EPCIP: variants seen among roughly 807,000 people sequenced by gnomAD.
The protein encoded by EPCIP is exosomal polycystin-1-interacting protein.
chr21:32,809,182 C>CGTGTGTGTGT, the EPCIP span, among the ~76,000 whole-genome samples: 2,098 of 121,126 alleles, frequency 0.017, 131 homozygotes, highest in Admixed American at 0.051. Flanking sequence ...TCGAGGGGTG[C>CGTGTGTGTGT]GTGTGTGTGT....
chr21:32,805,076 G>A, the EPCIP span, among the ~76,000 whole-genome samples: 1 of 152,210 alleles, frequency 6.6e-6, no homozygotes, highest in Non-Finnish European at 1.5e-5. Flanking sequence ...GATGATCCTA[G>A]ATTATCTGGG....
chr21:32,799,062 C>T, the EPCIP span: 2 of 152,204 alleles, frequency 1.3e-5, no homozygotes, highest in African/African-American at 4.8e-5. Flanking sequence ...GTCGTACACT[C>T]AGCTTGGGAG....
chr21:32,804,275 T>TTTTATATATA, the EPCIP span, among the ~76,000 whole-genome samples: 3 of 140,960 alleles, frequency 2.1e-5, no homozygotes, highest in African/African-American at 8.0e-5. Context: ...ATGCATGTGA[T>TTTTATATATA]TATATATATA....
chr21:32,811,628 A>G, the EPCIP span, among the ~76,000 whole-genome samples: 3 of 152,326 alleles, frequency 2.0e-5, no homozygotes, highest in Admixed American at 2.0e-4. Flanking sequence ...CATGCATTGT[A>G]TTCTATTACT....
At chr21:32,806,162 GC>G in the EPCIP span, among the ~76,000 whole-genome samples, 1 of 152,112 alleles carries the variant, frequency 6.6e-6, no homozygotes, top group Non-Finnish European at 1.5e-5. Flanking sequence ...GGCACAAGTG[GC>G]CCCCTGCCCA....
the EPCIP span, chr21:32,793,579 A>G: frequency 1.5e-6 from 1 of 678,752 alleles, no homozygotes; most frequent in East Asian, 2.5e-5. Context: ...GTGTTCTCGC[A>G]GTTGGGCACA....
At chr21:32,813,260 G>T in the EPCIP span, among the ~76,000 whole-genome samples, 1 of 152,124 alleles carries the variant, frequency 6.6e-6, no homozygotes, top group African/African-American at 2.4e-5. Context: ...GGAGCTATCT[G>T]TTATATTAGC....
the EPCIP span, among the ~76,000 whole-genome samples, chr21:32,807,254 A>G: frequency 2.7e-5 from 4 of 148,254 alleles, no homozygotes; most frequent in Admixed American, 1.3e-4. Context: ...GCACTCCATG[A>G]CTATTTATAT....
chr21:32,794,539 A>G, the EPCIP span: 64 of 952,392 alleles, frequency 6.7e-5, no homozygotes, highest in Admixed American at 1.4e-4. Context: ...TACACAGCTT[A>G]TGGAAAAGGA....
the EPCIP span, chr21:32,797,039 A>G: frequency 4.2e-6 from 2 of 470,688 alleles, no homozygotes; most frequent in Non-Finnish European, 4.4e-6. Context: ...TCCCAGAAGA[A>G]TTTGTGAGCA....
the EPCIP span, among the ~76,000 whole-genome samples, chr21:32,811,260 A>G: frequency 6.6e-6 from 1 of 151,852 alleles, no homozygotes; most frequent in East Asian, 2.0e-4. Context: ...CCTCCCGAGT[A>G]GTTGGCATTA....
the EPCIP span, among the ~76,000 whole-genome samples, chr21:32,808,537 G>A: frequency 3.3e-5 from 5 of 152,096 alleles, no homozygotes; most frequent in African/African-American, 1.2e-4. Context: ...GCTGGTTTTA[G>A]TTACAAATAT....
At chr21:32,802,725 T>A in the EPCIP span, among the ~76,000 whole-genome samples, 1 of 151,964 alleles carries the variant, frequency 6.6e-6, no homozygotes, top group Non-Finnish European at 1.5e-5. Context: ...TGAGCATGAG[T>A]CAGGATACCT....
At chr21:32,794,162 G>C in the EPCIP span, 3 of 1,614,258 alleles carry the variant, frequency 1.9e-6, no homozygotes, top group Non-Finnish European at 1.7e-6. Context: ...CAGCGCAGAT[G>C]TGTCCGTGAA....
At chr21:32,795,744 G>A in the EPCIP span, among the ~76,000 whole-genome samples, 3 of 152,206 alleles carry the variant, frequency 2.0e-5, no homozygotes, top group South Asian at 2.1e-4. Context: ...GAGGCCACAA[G>A]GCAATTAGAA....
the EPCIP span, among the ~76,000 whole-genome samples, chr21:32,804,786 A>G: frequency 6.6e-6 from 1 of 152,228 alleles, no homozygotes; most frequent in African/African-American, 2.4e-5. Context: ...AGGTCCTGAA[A>G]TTATTAGTGA....
chr21:32,803,933 A>C, the EPCIP span, among the ~76,000 whole-genome samples: 1 of 152,206 alleles, frequency 6.6e-6, no homozygotes, highest in Non-Finnish European at 1.5e-5. Context: ...TGTGCGGGGC[A>C]GGAAATGAGT....
chr21:32,800,825 A>C, the EPCIP span, among the ~76,000 whole-genome samples: 4 of 151,002 alleles, frequency 2.6e-5, no homozygotes, highest in African/African-American at 9.8e-5. Context: ...AAAAAAACCA[A>C]AAAAAAAAAA....
chr21:32,812,662 T>A, the EPCIP span, among the ~76,000 whole-genome samples: 1 of 152,188 alleles, frequency 6.6e-6, no homozygotes, highest in Non-Finnish European at 1.5e-5. Flanking sequence ...ATGGCTCTTT[T>A]CGGTAAAAAA....
Sources: gnomAD v4.1 joint callset for allele counts (sites outside exome capture counted in the v4.1 genomes callset) on GRCh38, gnomAD v4.1.1 for gene constraint, MANE v1.5 for transcripts, NCBI Gene and HGNC (gene_info 2026-07-23, HGNC 2026-07-21) for gene names.